The following LAMA2 variants were observed in gnomAD, a reference collection of about 807,000 sequenced individuals.
LAMA2 encodes the protein laminin subunit alpha 2, also known as laminin subunit alpha-2.
Under a neutral mutation model 364.8 loss-of-function variants are expected in LAMA2, and 269 were observed. The observed-to-expected ratio is 0.74, with a 90% CI of 0.67 to 0.82. LAMA2 has a LOEUF of 0.82. Ranked by LOEUF, LAMA2 falls within the 40% of genes least tolerant of loss-of-function variation. The pLI, the probability that LAMA2 is intolerant of heterozygous loss-of-function variation, is 0.00. For missense variants in LAMA2, 3,807 were observed against 3,873.2 expected (o/e 0.98, Z 0.45); for synonymous variants, 1,379 against 1,370.6 (o/e 1.01, Z -0.14).
At chr6:128,893,352 G>GT (rs889318420) in intron 1 of LAMA2, among the ~76,000 whole-genome samples, 10 of 151,012 alleles carry the variant, frequency 6.6e-5, no homozygotes, top group African/African-American at 2.2e-4. Flanking sequence ...CCCTTTCTTT[G>GT]TTTTTTTTCC....
rs575850136 is a variant in LAMA2, at chr6:129,460,259, C to T, written c.6927C>T (p.Asp2309=). The T allele has an allele frequency of 7.3e-5, 118 of 1,611,966 alleles. 1 individual carries two copies. In the South Asian group the frequency reaches 1.2e-3, roughly 16 times the overall value. The part of the protein sequence containing the change: ...FTGCMGETYF[D]NKPIGLWNFR... ...GCTGCATGGGAGAAACATACTTTGA[C>T]AACAAACCTATAGGTTTGTGGAATT... Residue 2309 remains aspartate, a synonymous_variant, in exon 49 of 65, where the codon GAC becomes GAT. Coordinates refer to ENST00000421865, the MANE Select transcript of LAMA2 (RefSeq NM_000426.4).
chr6:129,158,660 C>T, intron 8 of LAMA2: 2 of 1,614,130 alleles, frequency 1.2e-6, no homozygotes, highest in South Asian at 1.1e-5. Context: ...TGAGCAAAAC[C>T]AGCCATCGAA....
chr6:129,126,015 A>G (rs1777097521), intron 4 of LAMA2, among the ~76,000 whole-genome samples: 2 of 152,326 alleles, frequency 1.3e-5, no homozygotes, highest in African/African-American at 4.8e-5. Context: ...TACACCATAA[A>G]TTATATTTAA....
intron 1 of LAMA2, among the ~76,000 whole-genome samples, chr6:128,969,047 C>A (rs975303350): frequency 6.6e-5 from 10 of 152,098 alleles, no homozygotes; most frequent in Admixed American, 3.3e-4. Flanking sequence ...CTGCAGGAGA[C>A]CACTACAGCT....
intron 60 of LAMA2, among the ~76,000 whole-genome samples, chr6:129,503,840 T>C (rs1465313193): frequency 6.6e-6 from 1 of 152,200 alleles, no homozygotes; most frequent in African/African-American, 2.4e-5. Flanking sequence ...TAAGGTATCA[T>C]TTCTACTGAC....
chr6:129,267,503 A>G (rs979721181), intron 16 of LAMA2, among the ~76,000 whole-genome samples: 2 of 152,126 alleles, frequency 1.3e-5, no homozygotes, highest in African/African-American at 4.8e-5. Flanking sequence ...TACCATGAAT[A>G]TATATGGTTT....
chr6:129,309,901 C>CCTTTTTTTTTTT (rs1562443403), intron 22 of LAMA2, among the ~76,000 whole-genome samples: 1 of 133,678 alleles, frequency 7.5e-6, no homozygotes, highest in Non-Finnish European at 1.6e-5. Context: ...TCCTGATAAT[C>CCTTTTTTTTTTT]ATTTTTTTTT....
intron 12 of LAMA2, among the ~76,000 whole-genome samples, chr6:129,207,145 A>G (rs1782730584): frequency 6.6e-6 from 1 of 152,206 alleles, no homozygotes; most frequent in Admixed American, 6.5e-5. Flanking sequence ...TACTCAGATG[A>G]ATATATTTAC....
chr6:129,083,810 T>C (rs1348317926), intron 3 of LAMA2, among the ~76,000 whole-genome samples: 1 of 152,228 alleles, frequency 6.6e-6, no homozygotes, highest in African/African-American at 2.4e-5. Flanking sequence ...AATATCACTA[T>C]TGATTATAAC....
intron 12 of LAMA2, among the ~76,000 whole-genome samples, chr6:129,225,851 C>T (rs1181255948): frequency 6.6e-6 from 1 of 152,094 alleles, no homozygotes; most frequent in Non-Finnish European, 1.5e-5. Context: ...CTATTAGGTC[C>T]ACTTGGTGCA....
At chr6:129,071,383 C>T (rs923663973) in intron 3 of LAMA2, among the ~76,000 whole-genome samples, 3 of 151,878 alleles carry the variant, frequency 2.0e-5, no homozygotes, top group Non-Finnish European at 2.9e-5. Flanking sequence ...TTTTCTCTAT[C>T]GTGAAATTGT....
intron 40 of LAMA2, among the ~76,000 whole-genome samples, chr6:129,406,046 T>G (rs1211787070): frequency 2.0e-5 from 3 of 151,964 alleles, no homozygotes; most frequent in African/African-American, 7.3e-5. Flanking sequence ...ACGACCACTA[T>G]GAAGAAAGTG....
At chr6:128,969,590 C>T (rs899938225) in intron 1 of LAMA2, among the ~76,000 whole-genome samples, 5 of 151,842 alleles carry the variant, frequency 3.3e-5, no homozygotes, top group Admixed American at 6.6e-5. Flanking sequence ...GCCACTACAC[C>T]CAGCAAACTT....
chr6:129,249,814 G>C (rs1392341421), intron 12 of LAMA2, among the ~76,000 whole-genome samples: 1 of 152,136 alleles, frequency 6.6e-6, no homozygotes, highest in African/African-American at 2.4e-5. Flanking sequence ...AGACTAAGAT[G>C]ATGACAGGAG....
At chr6:129,506,209 C>T (rs1786061116) in intron 61 of LAMA2, among the ~76,000 whole-genome samples, 1 of 151,712 alleles carries the variant, frequency 6.6e-6, no homozygotes, top group Non-Finnish European at 1.5e-5. Flanking sequence ...AAAAGTTAGC[C>T]AGGTGTGGTG....
At chr6:129,296,591 A>G (rs908389830) in intron 20 of LAMA2, among the ~76,000 whole-genome samples, 7 of 152,070 alleles carry the variant, frequency 4.6e-5, no homozygotes, top group African/African-American at 1.2e-4. Context: ...TTTTAAAACT[A>G]CTAACAATAA....
At position 129,314,767 on chromosome 6, in the gene LAMA2, G is replaced by A; in HGVS notation, c.3524G>A (p.Cys1175Tyr). The change falls in exon 24 of 65, where the codon TGC becomes TAC. Residue 1175 changes from cysteine (C) to tyrosine (Y), a missense_variant. By Grantham distance (194) the Cys-to-Tyr change is radical. Transcript: ENST00000421865. ...SCYCFGTTTQ[C>Y]SEAKGLIRTW... is the part of the protein sequence containing the mutation. Reference sequence around the variant, plus strand: ...TATTGCTTCGGCACTACTACCCAGTGCTCTGAAGCAAAAGGACTGATCCGG... The same window carrying A: ...TATTGCTTCGGCACTACTACCCAGTACTCTGAAGCAAAAGGACTGATCCGG... 6.2e-7 allele frequency: 1 copy of A among 1,614,038 alleles called. No homozygotes were observed. The highest frequency in any genetic ancestry group is 8.5e-7 in the Non-Finnish European group (1 of 1,180,030).
At position 129,087,228 on chromosome 6, in the gene LAMA2, C is replaced by T. The variant is rs190377522; in HGVS notation, c.397-10945C>T. Among the ~76,000 whole-genome samples, 950 of 152,300 alleles carry T rather than the reference C, an allele frequency of 6.2e-3. 23 individuals are homozygous for T. The highest frequency in any genetic ancestry group is 3.0e-3 in the Non-Finnish European group (201 of 68,014). On this transcript the variant is annotated intron_variant, in intron 3 of 64. Coordinates refer to ENST00000421865, the MANE Select transcript of LAMA2 (RefSeq NM_000426.4). ...AACTAGCCTATCTCATTTCAATTTT[C>T]TAATCAGTTACTACCTGTCTCTTAG...
At chr6:129,313,988 A>G (rs1313473936) in intron 23 of LAMA2, among the ~76,000 whole-genome samples, 1 of 152,238 alleles carries the variant, frequency 6.6e-6, no homozygotes, top group Non-Finnish European at 1.5e-5. Flanking sequence ...CCTATTTCTT[A>G]CAGCTTACAA....
Sources: allele counts gnomAD v4.1 joint callset (sites outside exome capture counted in the v4.1 genomes callset), GRCh38; gene constraint gnomAD v4.1.1; transcripts MANE v1.5; gene names NCBI Gene and HGNC (gene_info 2026-07-23, HGNC 2026-07-21).